The following OR6N1 variants were observed in gnomAD, a reference collection of about 807,000 sequenced individuals.
OR6N1 encodes the protein olfactory receptor 6N1.
For missense variants in OR6N1, 394 were observed against 371.7 expected, an observed-to-expected ratio of 1.06 and a Z score of -0.49; for synonymous variants, 170 against 150.7, an observed-to-expected ratio of 1.13 and a Z score of -0.94.
chr1:158,836,294 A>G, the OR6N1 span, among the ~76,000 whole-genome samples: 6 of 152,000 alleles, frequency 3.9e-5, no homozygotes, highest in Non-Finnish European at 7.4e-5. Context: ...ACTTTGAGGA[A>G]TTTTGGTCTT....
chr1:158,785,959 T>C, the OR6N1 span, among the ~76,000 whole-genome samples: 1 of 152,010 alleles, frequency 6.6e-6, no homozygotes, highest in African/African-American at 2.4e-5. Flanking sequence ...CTCATGATCA[T>C]GACTAAGACC....
At chr1:158,792,667 T>A in the OR6N1 span, among the ~76,000 whole-genome samples, 4 of 152,192 alleles carry the variant, frequency 2.6e-5, no homozygotes. Flanking sequence ...AAATTATTGG[T>A]TGACAGTACA....
chr1:158,813,651 A>G, the OR6N1 span, among the ~76,000 whole-genome samples: 1 of 148,518 alleles, frequency 6.7e-6, no homozygotes, highest in Non-Finnish European at 1.5e-5. Flanking sequence ...TTCTCTATAT[A>G]CCTTTTATGG....
chr1:158,833,383 C>T, the OR6N1 span, among the ~76,000 whole-genome samples: 1 of 152,270 alleles, frequency 6.6e-6, no homozygotes, highest in Admixed American at 6.5e-5. Context: ...GTGTACAGTT[C>T]AGTAGTATTA....
At chr1:158,818,132 A>T in the OR6N1 span, among the ~76,000 whole-genome samples, 1 of 152,066 alleles carries the variant, frequency 6.6e-6, no homozygotes, top group Non-Finnish European at 1.5e-5. Context: ...CCATCTCCCT[A>T]CTTTCTTTAT....
the OR6N1 span, among the ~76,000 whole-genome samples, chr1:158,818,458 G>C: frequency 6.6e-6 from 1 of 152,206 alleles, no homozygotes; most frequent in Non-Finnish European, 1.5e-5. Flanking sequence ...TATTGATGTA[G>C]TCAGTCTCTG....
chr1:158,797,550 G>A, the OR6N1 span, among the ~76,000 whole-genome samples: 1 of 152,038 alleles, frequency 6.6e-6, no homozygotes, highest in Non-Finnish European at 1.5e-5. Context: ...TGAGATCGAG[G>A]GTAGTGGAGC....
At chr1:158,809,435 C>T in the OR6N1 span, 1 of 152,238 alleles carries the variant, frequency 6.6e-6, no homozygotes, top group South Asian at 2.1e-4. Context: ...GAGACATTAT[C>T]TAATCAATGT....
the OR6N1 span, among the ~76,000 whole-genome samples, chr1:158,794,618 G>T: frequency 2.0e-5 from 3 of 152,152 alleles, no homozygotes; most frequent in Admixed American, 1.3e-4. Flanking sequence ...AGACTCTAAG[G>T]TTTCCTTAGT....
the OR6N1 span, among the ~76,000 whole-genome samples, chr1:158,797,421 G>A: frequency 2.6e-5 from 4 of 152,136 alleles, no homozygotes; most frequent in South Asian, 2.1e-4. Context: ...TCTGCACAGC[G>A]TTTTTACTTC....
the OR6N1 span, among the ~76,000 whole-genome samples, chr1:158,790,327 T>G: frequency 6.6e-6 from 1 of 152,168 alleles, no homozygotes; most frequent in Admixed American, 6.5e-5. Flanking sequence ...TGGGGTCTTT[T>G]CTGGTTCCAT....
At chr1:158,796,287 C>T in the OR6N1 span, 1 of 152,346 alleles carries the variant, frequency 6.6e-6, no homozygotes, top group East Asian at 1.9e-4. Context: ...CTTAAAAGTA[C>T]ATCAGTTATC....
intron 1 of OR6N1, among the ~76,000 whole-genome samples, chr1:158,771,282 T>C (rs1657418620): frequency 1.3e-5 from 2 of 152,192 alleles, no homozygotes; most frequent in South Asian, 4.1e-4. Flanking sequence ...ATATGTCTTA[T>C]CACTCCAAGG....
the OR6N1 span, among the ~76,000 whole-genome samples, chr1:158,780,738 C>T: frequency 6.6e-6 from 1 of 152,138 alleles, no homozygotes. Flanking sequence ...GTAGAATTAT[C>T]GTTCATTGGG....
chr1:158,832,580 AAAGT>A, the OR6N1 span, among the ~76,000 whole-genome samples: 1 of 151,242 alleles, frequency 6.6e-6, no homozygotes, highest in Non-Finnish European at 1.5e-5. Context: ...GCTACTTTAT[AAAGT>A]AATAACAGAT....
At chr1:158,814,348 A>T in the OR6N1 span, among the ~76,000 whole-genome samples, 6 of 152,352 alleles carry the variant, frequency 3.9e-5, no homozygotes, top group Non-Finnish European at 7.4e-5. Flanking sequence ...ATATACATAC[A>T]GTTTCTACCC....
At chr1:158,778,346 A>G in the OR6N1 span, among the ~76,000 whole-genome samples, 1 of 152,232 alleles carries the variant, frequency 6.6e-6, no homozygotes, top group African/African-American at 2.4e-5. Flanking sequence ...ATGACTGAAA[A>G]AAAACTTTTA....
At chr1:158,812,157 C>G in the OR6N1 span, among the ~76,000 whole-genome samples, 3 of 152,192 alleles carry the variant, frequency 2.0e-5, no homozygotes, top group Admixed American at 2.0e-4. Context: ...CAGACTTCCC[C>G]TGTGCTTTGT....
In OR6N1 at chr1:158,765,447, G is replaced by C. The variant is rs928545830; in HGVS notation, c.*297C>G. The C allele has an allele frequency of 1.1e-5, 3 of 265,622 alleles. No homozygotes were observed. The Admixed American group carries it at 1.4e-4, about 13-fold the overall frequency. The allele number at this position is 265,622 out of a possible 1,614,324, so 16.5% of individuals were successfully genotyped here. On this transcript the variant is annotated 3_prime_UTR_variant, in exon 2 of 2. Transcript: ENST00000641846. The stretch of plus-strand genomic sequence containing the variant: ...ATGCCTATAAACGTATAATAGGTAA[G>C]ACACAGATTTTAAAAAAAACCTAAG...
Sources: allele counts gnomAD v4.1 joint callset (sites outside exome capture counted in the v4.1 genomes callset), GRCh38; gene constraint gnomAD v4.1.1; transcripts MANE v1.5; gene names NCBI Gene and HGNC (gene_info 2026-07-23, HGNC 2026-07-21).